PPP1R15B: variants seen among roughly 807,000 people sequenced by gnomAD.
PPP1R15B encodes protein phosphatase 1 regulatory subunit 15B.
Under a neutral mutation model 53.9 loss-of-function variants are expected in PPP1R15B, and 31 were observed. The observed-to-expected ratio is 0.58, with a 90% confidence interval of 0.43 to 0.78. The LOEUF is 0.78. Among genes scored for constraint, PPP1R15B ranks in the 30% least tolerant of loss-of-function variants. The probability of loss-of-function intolerance (pLI) is 0.00; values close to 1 mark genes in which losing one functional copy is unlikely to be tolerated. For missense variants in PPP1R15B, 928 were observed against 849.6 expected, an observed-to-expected ratio of 1.09 and a Z score of -1.15; for synonymous variants, 345 against 329.1, an observed-to-expected ratio of 1.05 and a Z score of -0.52.
chr1:204,397,787 A>G (rs1674115920), downstream of PPP1R15B, among the ~76,000 whole-genome samples: 1 of 152,164 alleles, frequency 6.6e-6, no homozygotes, highest in Non-Finnish European at 1.5e-5. Context: ...TAACGATGAC[A>G]ATGTTTCAGC....
rs1474884227 is a variant in PPP1R15B at position 204,410,065 on chromosome 1, A to T, written c.1347T>A (p.Asp449Glu). ...CAAAACCATCATCCTCAGCTTCCTC[A>T]TCCCAATCCTCACCTTCTGGATCAG... ...TSSDPEGEDW[D>E]EEAEDDGFDS... Residue 449 changes from aspartate (D) to glutamate (E), a missense_variant, in exon 1 of 2, where the codon GAT becomes GAA. Coordinates refer to ENST00000367188, the MANE Select transcript of PPP1R15B (RefSeq NM_032833.5). The T allele has an allele frequency of 2.5e-6, 4 of 1,614,076 alleles. No individual in the cohort carries two copies. Among genetic ancestry groups the T allele is most frequent in the East Asian group, 2.2e-5 (1 of 44,904 alleles).
chr1:204,402,869 C>T (rs970051493), downstream of PPP1R15B, among the ~76,000 whole-genome samples: 4 of 152,002 alleles, frequency 2.6e-5, no homozygotes, highest in Admixed American at 6.6e-5. Context: ...GTCAGGAGAT[C>T]GAGAACAACC....
chr1:204,405,357 G>T lies in PPP1R15B; in HGVS notation c.*735C>A, dbSNP rs1048691191. ...TAACGTACACAGAACCCTCTTCAAA[G>T]AAATTAAATATATTAGATGTTAAAA... On this transcript the variant is annotated 3_prime_UTR_variant, in exon 2 of 2. Transcript: ENST00000367188. 2.5e-5 allele frequency: 25 copies of T among 983,918 alleles called. No individual in the cohort carries two copies. Among genetic ancestry groups the T allele is most frequent in the Admixed American group, 1.8e-4 (3 of 16,254 alleles). 60.9% of individuals were successfully genotyped at this position (983,918 alleles called of 1,614,324 possible).
At position 204,404,416 on chromosome 1, in the gene PPP1R15B, C is replaced by T; in HGVS notation, c.*1676G>A. Reference sequence around the variant, plus strand: ...AGGAGAATCGCGTGAACCCAGGAGGCGGAGGTTGCAGTGAGCCGAGATCGC... The same window carrying T: ...AGGAGAATCGCGTGAACCCAGGAGGTGGAGGTTGCAGTGAGCCGAGATCGC... On this transcript the variant is annotated 3_prime_UTR_variant, in exon 2 of 2. Transcript: ENST00000367188. The T allele has an allele frequency of 1.7e-6, 1 of 573,442 alleles. No individual in the cohort carries two copies. The highest frequency in any genetic ancestry group is 2.2e-6 in the Non-Finnish European group (1 of 454,326). 35.5% of individuals were successfully genotyped at this position (573,442 alleles called of 1,614,324 possible).
chr1:204,408,621 A>G (rs929541359), intron 1 of PPP1R15B, among the ~76,000 whole-genome samples: 5 of 152,232 alleles, frequency 3.3e-5, no homozygotes, highest in African/African-American at 1.2e-4. Context: ...AATAATAGAC[A>G]CCTTTGAGTT....
Position 204,411,287 on chromosome 1 carries a change from G to C in PPP1R15B, c.125C>G (p.Pro42Arg), listed in dbSNP as rs1267521320. ...CAGTGTGGGGTTCCCGGAGTTTTCC[G>C]GGCCAAGAGGCGTCGGGAACTTAGA... ...GSSKFPTPLG[P>R]ENSGNPTLLS... is the part of the protein sequence containing the mutation. Residue 42 changes from proline to arginine, a missense_variant, in exon 1 of 2, where the codon CCG (proline) becomes CGG (arginine). Transcript: ENST00000367188. 7.4e-6 allele frequency: 12 copies of C among 1,614,052 alleles called. No individual in the cohort carries two copies. The highest frequency in any genetic ancestry group is 1.6e-4 in the Middle Eastern group (1 of 6,084).
chr1:204,410,156 G>T lies in PPP1R15B; in HGVS notation c.1256C>A (p.Pro419Gln). ...LEGDLPISARPACSNKLIDYI... is the reference protein window; with the variant it reads ...LEGDLPISARQACSNKLIDYI... Reference sequence around the variant, plus strand: ...ATCTATCAGTTTGTTACTACAAGCTGGTCTGGCAGAAATGGGAAGGTCACC... The same window carrying T: ...ATCTATCAGTTTGTTACTACAAGCTTGTCTGGCAGAAATGGGAAGGTCACC... Residue 419 changes from proline (P) to glutamine (Q), a missense_variant, in exon 1 of 2, where the codon CCA becomes CAA. Pro to Gln is a moderately conservative substitution (Grantham distance 76, BLOSUM62 -1). Transcript: ENST00000367188. 1 of 1,613,868 alleles carries T rather than the reference G, an allele frequency of 6.2e-7. No individual in the cohort carries two copies. Among genetic ancestry groups the T allele is most frequent in the Non-Finnish European group, 8.5e-7 (1 of 1,180,026 alleles).
Position 204,411,347 on chromosome 1 carries a change from G to T in PPP1R15B, c.65C>A (p.Pro22Gln). Residue 22 changes from proline to glutamine, a missense_variant, in exon 1 of 2, where the codon CCA becomes CAA. Pro to Gln is a moderately conservative substitution (Grantham distance 76, BLOSUM62 -1). Transcript: ENST00000367188. ...LGPRAGFRFW[P>Q]PFFPRRSQAG... is the part of the protein sequence containing the mutation. ...TTGCGATCGCCGAGGGAAAAAGGGT[G>T]GCCAGAACCGGAAGCCCGCCCGAGG... 6.2e-7 allele frequency: 1 copy of T among 1,613,992 alleles called. No individual in the cohort carries two copies. The highest frequency in any genetic ancestry group is 2.2e-5 in the East Asian group (1 of 44,878).
Position 204,409,618 on chromosome 1 carries a change from A to G in PPP1R15B, c.1794T>C (p.Ile598=). 1 of 1,614,098 alleles carries G rather than the reference A, an allele frequency of 6.2e-7. No individual in the cohort carries two copies. The highest frequency in any genetic ancestry group is 8.5e-7 in the Non-Finnish European group (1 of 1,180,010). The change falls in exon 1 of 2, where the codon ATT becomes ATC. Residue 598 remains isoleucine, a synonymous_variant. Transcript: ENST00000367188. ...AAGAAAGTAAGGTGTGACACTCAGA[A>G]ATGGCCACAATGGACTCAGATGGGG... ...SKTPSESIVA[I]SECHTLLSCK... is the part of the protein sequence containing the mutation.
At chr1:204,407,816 T>C (rs1255450838) in intron 1 of PPP1R15B, among the ~76,000 whole-genome samples, 3 of 152,214 alleles carry the variant, frequency 2.0e-5, no homozygotes, top group Non-Finnish European at 4.4e-5. Flanking sequence ...TTAGACTCAC[T>C]GTCCATCATC....
chr1:204,404,791 G>C lies in PPP1R15B; in HGVS notation c.*1301C>G, dbSNP rs1490593448. 1 of 985,830 alleles carries C rather than the reference G, an allele frequency of 1.0e-6. No homozygotes were observed. The highest frequency in any genetic ancestry group is 1.2e-6 in the Non-Finnish European group (1 of 829,924). 61.1% of individuals were successfully genotyped at this position (985,830 alleles called of 1,614,324 possible). A position where few individuals can be genotyped will look rare whatever the true frequency, so the allele number is the denominator to read the frequency against. The stretch of plus-strand genomic sequence containing the variant: ...GCACACGGAATGAAAGCAGACCACG[G>C]AAGGGTTAACAACCCCTCAACCTAA... On this transcript the variant is annotated 3_prime_UTR_variant, in exon 2 of 2. Transcript: ENST00000367188.
At position 204,411,534 on chromosome 1, in the gene PPP1R15B, G is replaced by T; in HGVS notation, c.-123C>A. 7.5e-7 allele frequency: 1 copy of T among 1,325,066 alleles called. No individual in the cohort carries two copies. Among genetic ancestry groups the T allele is most frequent in the Non-Finnish European group, 1.0e-6 (1 of 975,428 alleles). 82.1% of individuals were successfully genotyped at this position (1,325,066 alleles called of 1,614,324 possible). A position where few individuals can be genotyped will look rare whatever the true frequency, so the allele number is the denominator to read the frequency against. On this transcript the variant is annotated 5_prime_UTR_variant, in exon 1 of 2. Coordinates refer to ENST00000367188, the MANE Select transcript of PPP1R15B (RefSeq NM_032833.5). Reference sequence around the variant, plus strand: ...AGCGGTGGCGTCGCTGCTCCAGGCCGATCTTCGAGCCAGCAGAAAAGCCAC... The same window carrying T: ...AGCGGTGGCGTCGCTGCTCCAGGCCTATCTTCGAGCCAGCAGAAAAGCCAC...
At position 204,411,322 on chromosome 1, in the gene PPP1R15B, T is replaced by A; in HGVS notation, c.90A>T (p.Gln30His). The A allele has an allele frequency of 6.2e-7, 1 of 1,614,182 alleles. No homozygotes were observed. ...GCGTCGGGAACTTAGAAGAGCCTGC[T>A]TGCGATCGCCGAGGGAAAAAGGGTG... ...FWPPFFPRRS[Q>H]AGSSKFPTPL... The change falls in exon 1 of 2, where the codon CAA (glutamine) becomes CAT (histidine). Residue 30 changes from glutamine (Q) to histidine (H), a missense_variant. Physicochemically the swap from Gln to His is conservative, Grantham distance 24 (BLOSUM62 0). Transcript: ENST00000367188.
chr1:204,400,236 C>CAA (rs369757663), downstream of PPP1R15B, among the ~76,000 whole-genome samples: 14,921 of 122,636 alleles, frequency 0.12, 1,140 homozygotes, highest in African/African-American at 0.24. Flanking sequence ...GACACTGTCT[C>CAA]AAAAAAAAAA....
rs1203611271 is a variant in PPP1R15B, at chr1:204,410,668, G to A, written c.744C>T (p.Val248=). Residue 248 remains valine, a synonymous_variant, in exon 1 of 2, where the codon GTC becomes GTT. Coordinates refer to ENST00000367188, the MANE Select transcript of PPP1R15B (RefSeq NM_032833.5). ...YQNSDGNSEV[V]GFQTLTPESS... is the part of the protein sequence containing the mutation. ...TCTCTGGGGTTAGTGTCTGGAAGCC[G>A]ACTACCTCGCTATTTCCATCACTGT... The A allele has an allele frequency of 1.9e-6, 3 of 1,613,964 alleles. No individual in the cohort carries two copies. Among genetic ancestry groups the A allele is most frequent in the Non-Finnish European group, 2.5e-6 (3 of 1,179,896 alleles).
At chr1:204,402,140 G>T (rs1044837434), downstream of PPP1R15B, among the ~76,000 whole-genome samples, 1 of 152,008 alleles carries the variant, frequency 6.6e-6, no homozygotes, top group Non-Finnish European at 1.5e-5. Flanking sequence ...ATTATAACCC[G>T]GGGATGTCAA....
At chr1:204,397,567 A>G (rs538322758), downstream of PPP1R15B, among the ~76,000 whole-genome samples, 1 of 152,012 alleles carries the variant, frequency 6.6e-6, no homozygotes, top group African/African-American at 2.4e-5. Context: ...TTCTTACCAC[A>G]AAAAAAATGC....
At chr1:204,400,515 A>T (rs116535193), downstream of PPP1R15B, among the ~76,000 whole-genome samples, 401 of 145,466 alleles carry the variant, frequency 2.8e-3, 2 homozygotes, top group African/African-American at 9.6e-3. Flanking sequence ...TTTTGTAGAG[A>T]TGGTTTTGCC....
Position 204,410,299 on chromosome 1 carries a change from C to G in PPP1R15B, c.1113G>C (p.Glu371Asp). Residue 371 changes from glutamate to aspartate, a missense_variant, in exon 1 of 2, where the codon GAG becomes GAC. Coordinates refer to ENST00000367188, the MANE Select transcript of PPP1R15B (RefSeq NM_032833.5). ...TCTCTTCTTCCAAAGCAAGTGGAAC[C>G]TCTGTAGTTAATAATTCTATTTTTT... ...TEEKIELLTT[E>D]VPLALEEESP... The G allele has an allele frequency of 3.1e-6, 5 of 1,614,136 alleles. No homozygotes were observed. The highest frequency in any genetic ancestry group is 4.2e-6 in the Non-Finnish European group (5 of 1,180,026).
Sources: allele counts gnomAD v4.1 joint callset (sites outside exome capture counted in the v4.1 genomes callset), GRCh38; gene constraint gnomAD v4.1.1; transcripts MANE v1.5; gene names NCBI Gene and HGNC (gene_info 2026-07-23, HGNC 2026-07-21).